Variants in RMDN2 observed in about 807,000 individuals in gnomAD.
The protein encoded by RMDN2 is regulator of microtubule dynamics 2, also known as regulator of microtubule dynamics protein 2.
RMDN2 carries 61 observed loss-of-function variants against 52.8 expected under a neutral mutation model. The ratio of observed to expected loss-of-function variants is 1.16; its 90% CI spans 0.94 to 1.43. RMDN2 has a LOEUF of 1.43. RMDN2 is among the 40% of genes most tolerant of loss of function. The pLI is 0.00. For synonymous variants in RMDN2, 180 were observed against 153.1 expected, an observed-to-expected ratio of 1.18 and a Z score of -1.30; for missense variants, 592 against 475.3, an observed-to-expected ratio of 1.25 and a Z score of -2.28.
At chr2:37,966,416 TA>T (rs749707294) in intron 2 of RMDN2, among the ~76,000 whole-genome samples, 518 of 139,610 alleles carry the variant, frequency 3.7e-3, no homozygotes, top group Non-Finnish European at 3.7e-3. Context: ...GGCTCTGTCT[TA>T]AAAAAAAAAA....
chr2:37,950,318 A>T, intron 2 of RMDN2: 1 of 775,228 alleles, frequency 1.3e-6, no homozygotes, highest in Non-Finnish European at 2.0e-6. Context: ...GACTCCTCCA[A>T]CAGTGAAGGT....
chr2:38,038,853 C>CTCCCA (rs1476517478), intron 10 of RMDN2, among the ~76,000 whole-genome samples: 1 of 152,038 alleles, frequency 6.6e-6, no homozygotes, highest in African/African-American at 2.4e-5. Context: ...TTCTTGGCAT[C>CTCCCA]TCCCATCCCA....
At chr2:38,016,079 C>G (rs1002463678) in intron 10 of RMDN2, among the ~76,000 whole-genome samples, 1 of 152,194 alleles carries the variant, frequency 6.6e-6, no homozygotes, top group African/African-American at 2.4e-5. Context: ...ATGCAGCTGA[C>G]CTGCTACAAA....
intron 2 of RMDN2, among the ~76,000 whole-genome samples, chr2:37,943,156 A>G (rs1329584451): frequency 2.0e-5 from 3 of 152,216 alleles, no homozygotes; most frequent in African/African-American, 4.8e-5. Flanking sequence ...ATGAAGCTGG[A>G]TGCTGTGGGA....
intron 10 of RMDN2, 95 bp from the exon 11 acceptor site, chr2:38,017,091 G>A: frequency 6.5e-6 from 4 of 612,642 alleles, no homozygotes; most frequent in Non-Finnish European, 1.0e-5. Context: ...CTCATGTTGG[G>A]GAATCTCCTC....
At chr2:37,979,327 A>C (rs1359234566) in intron 4 of RMDN2, among the ~76,000 whole-genome samples, 1 of 152,198 alleles carries the variant, frequency 6.6e-6, no homozygotes, top group Non-Finnish European at 1.5e-5. Context: ...AGGGACAGCC[A>C]ATTATATTCA....
chr2:38,019,798 G>T (rs1453154786), downstream of RMDN2, among the ~76,000 whole-genome samples: 5 of 152,070 alleles, frequency 3.3e-5, no homozygotes, highest in African/African-American at 1.2e-4. Context: ...GGTGGTGCAT[G>T]CCTGTAGTTA....
At position 37,934,896 on chromosome 2, in the gene RMDN2, A is replaced by G. The variant is rs1667159033; in HGVS notation, c.452+5167A>G. On this transcript the variant is annotated intron_variant, in intron 2 of 10. Transcript: ENST00000354545. ...GTCTAAAACTATTATTTGAATTACA[A>G]TATTATATGAAGCTTTAGAAACATC... Among the ~76,000 whole-genome samples the G allele has an allele frequency of 2.0e-5, 3 of 152,282 alleles. No homozygotes were observed. The South Asian group carries it at 6.2e-4, about 32-fold the overall frequency.
chr2:37,963,989 C>A (rs1670671494), intron 2 of RMDN2, among the ~76,000 whole-genome samples: 1 of 149,682 alleles, frequency 6.7e-6, no homozygotes, highest in Non-Finnish European at 1.5e-5. Flanking sequence ...CGGGCGGGGG[C>A]TGCCCCCCAC....
intron 4 of RMDN2, among the ~76,000 whole-genome samples, chr2:37,981,081 A>G (rs938294380): frequency 1.3e-5 from 2 of 152,174 alleles, no homozygotes; most frequent in East Asian, 1.9e-4. Context: ...GGCTCATTAA[A>G]CCACAGATTA....
upstream of RMDN2, among the ~76,000 whole-genome samples, chr2:37,924,070 T>G (rs752506571): frequency 6.6e-6 from 1 of 152,100 alleles, no homozygotes; most frequent in Non-Finnish European, 1.5e-5. Flanking sequence ...TTTAATAAAA[T>G]GACCATGGCC....
intron 10 of RMDN2, chr2:38,012,542 A>G (rs932790878): frequency 2.2e-6 from 1 of 459,292 alleles, no homozygotes; most frequent in Non-Finnish European, 4.5e-6. Context: ...CATTGGAAGT[A>G]TTTCTGTAAT....
chr2:38,031,170 C>A (rs1448523911), intron 10 of RMDN2, among the ~76,000 whole-genome samples: 1 of 151,910 alleles, frequency 6.6e-6, no homozygotes, highest in Non-Finnish European at 1.5e-5. Flanking sequence ...TAGTAAGGTG[C>A]CCTGTACTAC....
downstream of RMDN2, among the ~76,000 whole-genome samples, chr2:38,020,120 G>T (rs1230595899): frequency 6.6e-6 from 1 of 152,066 alleles, no homozygotes; most frequent in African/African-American, 2.4e-5. Flanking sequence ...TTTTTCCCTG[G>T]ATCCGCGGGT....
intron 2 of RMDN2, among the ~76,000 whole-genome samples, chr2:37,936,408 C>T (rs1177575767): frequency 6.6e-6 from 1 of 152,096 alleles, no homozygotes; most frequent in Non-Finnish European, 1.5e-5. Context: ...GGTATATACC[C>T]CGTAATGGGA....
intron 10 of RMDN2, among the ~76,000 whole-genome samples, chr2:38,035,032 G>A (rs1680479463): frequency 6.6e-6 from 1 of 152,062 alleles, no homozygotes; most frequent in Non-Finnish European, 1.5e-5. Context: ...ATATTTGAAA[G>A]TAATACATTA....
chr2:37,979,113 C>T (rs141698248), intron 4 of RMDN2, among the ~76,000 whole-genome samples: 7 of 152,116 alleles, frequency 4.6e-5, no homozygotes, highest in Non-Finnish European at 7.4e-5. Flanking sequence ...AAAAAGCCTC[C>T]GATGTGTTCA....
intron 2 of RMDN2, among the ~76,000 whole-genome samples, chr2:37,973,233 A>C (rs1435551644): frequency 1.3e-5 from 2 of 152,222 alleles, no homozygotes; most frequent in Non-Finnish European, 2.9e-5. Flanking sequence ...TAATAAAAAT[A>C]AGTTGTTTGT....
intron 10 of RMDN2, among the ~76,000 whole-genome samples, chr2:38,040,160 G>C (rs1272999892): frequency 6.6e-6 from 1 of 151,026 alleles, no homozygotes. Flanking sequence ...TTTACTATTT[G>C]TCAAAGATCA....
Sources: allele counts gnomAD v4.1 joint callset (sites outside exome capture counted in the v4.1 genomes callset), GRCh38; gene constraint gnomAD v4.1.1; transcripts MANE v1.5; gene names NCBI Gene and HGNC (gene_info 2026-07-23, HGNC 2026-07-21).